The following KIAA0040 variants were observed in gnomAD, a reference collection of about 807,000 sequenced individuals.
The protein encoded by KIAA0040 is KIAA0040.
Under a neutral mutation model 7.2 loss-of-function variants are expected in KIAA0040, and 10 were observed. The observed-to-expected ratio is 1.38, with a 90% CI of 0.85 to 2.34. The LOEUF is 2.34. Ranked by LOEUF, KIAA0040 falls within the 30% of genes most tolerant of loss-of-function variation. KIAA0040 has a pLI of 0.00. For synonymous variants in KIAA0040, 49 were observed against 40.1 expected (o/e 1.22, Z -0.84); for missense variants, 89 against 108.2 (o/e 0.82, Z 0.79).
At chr1:175,191,569 G>A (rs1027248315) in intron 1 of KIAA0040, among the ~76,000 whole-genome samples, 3 of 152,188 alleles carry the variant, frequency 2.0e-5, no homozygotes, top group African/African-American at 7.2e-5. Context: ...TTTAAAGGCT[G>A]GTAAGACGCT....
chr1:175,158,385 G>A lies in KIAA0040; in HGVS notation c.*2329C>T, dbSNP rs927632389. On this transcript the variant is annotated 3_prime_UTR_variant, in exon 4 of 4. Transcript: ENST00000423313. ...GTCATGGCAATGACAACTGACTGCT[G>A]TCTTAATTCAAAGGAGCAAGCAGTT... 1 of 152,212 alleles carries A rather than the reference G, an allele frequency of 6.6e-6. No homozygotes were observed. Among genetic ancestry groups the A allele is most frequent in the African/African-American group, 2.4e-5 (1 of 41,442 alleles). 9.4% of individuals were successfully genotyped at this position (152,212 alleles called of 1,614,324 possible). A position where few individuals can be genotyped will look rare whatever the true frequency, so the allele number is the denominator to read the frequency against.
rs537437499 is a variant in KIAA0040 at position 175,160,007 on chromosome 1, C to T, written c.*707G>A. Reference sequence around the variant, plus strand: ...CCATCACACTTTAAACATCTTGGCACAGGTGAGGGGTCAGAGGCACAGAAA... The same window carrying T: ...CCATCACACTTTAAACATCTTGGCATAGGTGAGGGGTCAGAGGCACAGAAA... On this transcript the variant is annotated 3_prime_UTR_variant, in exon 4 of 4. Coordinates refer to ENST00000423313, the MANE Select transcript of KIAA0040 (RefSeq NM_014656.3). 6.5e-6 allele frequency: 1 copy of T among 153,626 alleles called. No homozygotes were observed. The highest frequency in any genetic ancestry group is 1.9e-4 in the East Asian group (1 of 5,184). The allele number at this position is 153,626 out of a possible 1,614,324, so 9.5% of individuals were successfully genotyped here. A position where few individuals can be genotyped will look rare whatever the true frequency, so the allele number is the denominator to read the frequency against.
intron 3 of KIAA0040, among the ~76,000 whole-genome samples, chr1:175,161,731 T>G (rs1282117042): frequency 6.6e-6 from 1 of 152,182 alleles, no homozygotes; most frequent in Non-Finnish European, 1.5e-5. Context: ...TGCTGTCCCC[T>G]CATGATCTCT....
intron 2 of KIAA0040, among the ~76,000 whole-genome samples, chr1:175,176,626 AAT>A (rs1177362677): frequency 1.4e-5 from 2 of 139,608 alleles, no homozygotes; most frequent in Non-Finnish European, 3.0e-5. Context: ...AGTGAGCTAA[AAT>A]ACTTATTGAG....
rs1369553597 is a variant in KIAA0040, at chr1:175,158,202, T to C, written c.*2512A>G. The C allele has an allele frequency of 1.3e-5, 2 of 152,306 alleles. No individual in the cohort carries two copies. The highest frequency in any genetic ancestry group is 2.9e-5 in the Non-Finnish European group (2 of 68,116). 9.4% of individuals were successfully genotyped at this position (152,306 alleles called of 1,614,324 possible). ...GAAAGGTTGTCAGGGGAGTCTGTGATGGGGAAAAGAGAGGCCCCATTCTGG... is the reference window on the plus strand; with the variant it reads ...GAAAGGTTGTCAGGGGAGTCTGTGACGGGGAAAAGAGAGGCCCCATTCTGG... On this transcript the variant is annotated 3_prime_UTR_variant, in exon 4 of 4. Transcript: ENST00000423313.
chr1:175,165,635 A>G (rs893322307), intron 3 of KIAA0040, among the ~76,000 whole-genome samples: 16 of 152,178 alleles, frequency 1.1e-4, no homozygotes, highest in Non-Finnish European at 1.5e-5. Flanking sequence ...CTTGGGGAAC[A>G]TCTGAAGGTG....
chr1:175,187,430 A>T (rs549456945), intron 1 of KIAA0040, among the ~76,000 whole-genome samples: 1 of 152,308 alleles, frequency 6.6e-6, no homozygotes, highest in East Asian at 1.9e-4. Flanking sequence ...GCTTTGGTAC[A>T]TGATAATCAC....
intron 2 of KIAA0040, among the ~76,000 whole-genome samples, chr1:175,173,431 A>G (rs1234135039): frequency 6.6e-6 from 1 of 152,178 alleles, no homozygotes; most frequent in Non-Finnish European, 1.5e-5. Flanking sequence ...TCATTCAACA[A>G]CTCAAGAGAT....
In KIAA0040 at chr1:175,189,198, T is replaced by G. The variant is rs1169368308; in HGVS notation, c.-384+3442A>C. On this transcript the variant is annotated intron_variant, in intron 1 of 3. Coordinates refer to ENST00000423313, the MANE Select transcript of KIAA0040 (RefSeq NM_014656.3). ...TACTTGAAGGTTTTTGACGTTGGCA[T>G]AACATTCCAACTTCATGGGGTTGGA... 4.6e-5 allele frequency among the ~76,000 whole-genome samples: 7 copies of G among 152,338 alleles called. No homozygotes were observed. The East Asian group carries it at 1.3e-3, about 29-fold the overall frequency.
chr1:175,177,351 G>A (rs982435637), intron 2 of KIAA0040, among the ~76,000 whole-genome samples: 11 of 152,336 alleles, frequency 7.2e-5, no homozygotes, highest in Middle Eastern at 6.8e-3. Flanking sequence ...CAGTTAGAAG[G>A]CAGAAGATGC....
intron 1 of KIAA0040, among the ~76,000 whole-genome samples, chr1:175,178,491 C>T (rs1168555632): frequency 6.6e-6 from 1 of 152,166 alleles, no homozygotes; most frequent in Non-Finnish European, 1.5e-5. Context: ...TTGTTTGCAT[C>T]AATAAAATAT....
At chr1:175,177,091 TG>T (rs912798794) in intron 2 of KIAA0040, among the ~76,000 whole-genome samples, 1 of 152,216 alleles carries the variant, frequency 6.6e-6, no homozygotes, top group Non-Finnish European at 1.5e-5. Context: ...TTAAGGCCAC[TG>T]GGAGGTAGGG....
rs1419809460 is a variant in KIAA0040 at position 175,157,277 on chromosome 1, G to C, written c.*3437C>G. 6.6e-6 allele frequency: 1 copy of C among 152,182 alleles called. No individual in the cohort carries two copies. Among genetic ancestry groups the C allele is most frequent in the Non-Finnish European group, 1.5e-5 (1 of 68,040 alleles). The allele number at this position is 152,182 out of a possible 1,614,324, so 9.4% of individuals were successfully genotyped here. On this transcript the variant is annotated 3_prime_UTR_variant, in exon 4 of 4. Coordinates refer to ENST00000423313, the MANE Select transcript of KIAA0040 (RefSeq NM_014656.3). Reference sequence around the variant, plus strand: ...GGAAAGTTCTGTAAGTGTTGCCAAGGAACATCAGTATATTTTTCCTGTAGC... The same window carrying C: ...GGAAAGTTCTGTAAGTGTTGCCAAGCAACATCAGTATATTTTTCCTGTAGC...
chr1:175,166,793 G>A (rs1324851182), intron 2 of KIAA0040, 56 bp from the exon 3 acceptor site: 1 of 152,362 alleles, frequency 6.6e-6, no homozygotes, highest in Non-Finnish European at 1.5e-5. Flanking sequence ...CTGTGGTCAA[G>A]TTCTGTGTTG....
intron 1 of KIAA0040, among the ~76,000 whole-genome samples, chr1:175,190,208 C>A (rs144050357): frequency 2.6e-5 from 4 of 152,290 alleles, no homozygotes; most frequent in African/African-American, 9.6e-5. Context: ...ACCCAGAATT[C>A]TCTTCTTTAT....
chr1:175,177,364 T>C (rs1420367042), intron 2 of KIAA0040, among the ~76,000 whole-genome samples: 1 of 152,210 alleles, frequency 6.6e-6, no homozygotes, highest in Admixed American at 6.5e-5. Context: ...GAAGATGCCA[T>C]AGGGATGGCA....
chr1:175,183,762 C>T (rs533285482), intron 1 of KIAA0040, among the ~76,000 whole-genome samples: 1 of 152,306 alleles, frequency 6.6e-6, no homozygotes, highest in South Asian at 2.1e-4. Flanking sequence ...CAGACTAATC[C>T]CAGGAATGGG....
intron 2 of KIAA0040, among the ~76,000 whole-genome samples, chr1:175,177,245 C>T (rs12059789): frequency 0.01 from 1,541 of 152,280 alleles, 23 homozygotes; most frequent in African/African-American, 0.03. Context: ...TTTTATCAGA[C>T]CAACCCTCAA....
intron 2 of KIAA0040, among the ~76,000 whole-genome samples, chr1:175,177,153 T>C (rs914536495): frequency 1.3e-5 from 2 of 152,216 alleles, no homozygotes; most frequent in Non-Finnish European, 2.9e-5. Flanking sequence ...GGGCTCTCCA[T>C]GATGTGGCCT....
Sources: allele counts gnomAD v4.1 joint callset (sites outside exome capture counted in the v4.1 genomes callset), GRCh38; gene constraint gnomAD v4.1.1; transcripts MANE v1.5; gene names NCBI Gene and HGNC (gene_info 2026-07-23, HGNC 2026-07-21).